The following CADM2 variants were observed in gnomAD, a reference collection of about 807,000 sequenced individuals.
CADM2 encodes the protein cell adhesion molecule 2.
In CADM2, 12 loss-of-function variants were observed where a neutral mutation model predicts 49.8. That is an observed-to-expected ratio of 0.24 (90% CI 0.15 to 0.39). The LOEUF is 0.39. Among genes scored for constraint, CADM2 ranks in the 10% least tolerant of loss-of-function variants. The probability of loss-of-function intolerance (pLI) is 1.00; values close to 1 mark genes in which losing one functional copy is unlikely to be tolerated. For synonymous variants in CADM2, 214 were observed against 175.4 expected, an observed-to-expected ratio of 1.22 and a Z score of -1.74; for missense variants, 378 against 492.3, an observed-to-expected ratio of 0.77 and a Z score of 2.20.
At chr3:85,311,491 C>T (rs1309384241) in intron 1 of CADM2, among the ~76,000 whole-genome samples, 3 of 151,762 alleles carry the variant, frequency 2.0e-5, no homozygotes, top group East Asian at 1.9e-4. Flanking sequence ...TTCTCTTGCC[C>T]CAGCCTCCCG....
At chr3:85,952,160 T>C (rs1280715720) in intron 7 of CADM2, among the ~76,000 whole-genome samples, 1 of 150,920 alleles carries the variant, frequency 6.6e-6, no homozygotes, top group African/African-American at 2.4e-5. Context: ...AAAATAATTA[T>C]TGGACAGGAG....
At chr3:85,287,718 G>A (rs1292969515) in intron 1 of CADM2, among the ~76,000 whole-genome samples, 2 of 152,050 alleles carry the variant, frequency 1.3e-5, no homozygotes, top group African/African-American at 4.8e-5. Flanking sequence ...TTTACATTAT[G>A]ACTGCAGGAA....
At chr3:85,371,677 G>GTATATATA (rs1167720851) in intron 1 of CADM2, among the ~76,000 whole-genome samples, 12 of 95,140 alleles carry the variant, frequency 1.3e-4, no homozygotes, top group African/African-American at 4.4e-4. Flanking sequence ...GTGTGTGTGT[G>GTATATATA]TATATATATA....
chr3:85,459,045 C>T (rs1218927785), intron 1 of CADM2, among the ~76,000 whole-genome samples: 1 of 152,052 alleles, frequency 6.6e-6, no homozygotes, highest in Non-Finnish European at 1.5e-5. Context: ...TTATTGTAGA[C>T]CAAATAATTT....
At chr3:85,460,733 G>GGGGTGT (rs1553726077) in intron 1 of CADM2, among the ~76,000 whole-genome samples, 9 of 149,068 alleles carry the variant, frequency 6.0e-5, no homozygotes, top group Middle Eastern at 3.2e-3. Flanking sequence ...TGGGAGATGT[G>GGGGTGT]GTGTGTGTGT....
chr3:85,715,746 A>G (rs2067267841), intron 1 of CADM2, among the ~76,000 whole-genome samples: 1 of 152,194 alleles, frequency 6.6e-6, no homozygotes, highest in South Asian at 2.1e-4. Context: ...ATGAGTGAGA[A>G]CATGAGGCCT....
chr3:86,055,481 G>T (rs11127916), intron 8 of CADM2, among the ~76,000 whole-genome samples: 111,237 of 121,102 alleles, frequency 0.92, 50,699 homozygotes, highest in Middle Eastern at 0.97. Context: ...TTTTTTTTTG[G>T]TTTTAGAGGG....
At chr3:85,104,719 AT>A (rs1370851489) in intron 1 of CADM2, among the ~76,000 whole-genome samples, 1 of 152,090 alleles carries the variant, frequency 6.6e-6, no homozygotes. Flanking sequence ...ATGCTCTTCC[AT>A]TTGTTTGTAT....
intron 1 of CADM2, among the ~76,000 whole-genome samples, chr3:85,633,407 A>C (rs921070660): frequency 6.6e-6 from 1 of 152,030 alleles, no homozygotes; most frequent in Non-Finnish European, 1.5e-5. Flanking sequence ...TTTTGAGAAG[A>C]AAAAAAGATG....
chr3:85,980,870 T>C (rs112435180), intron 8 of CADM2, among the ~76,000 whole-genome samples: 19 of 151,610 alleles, frequency 1.3e-4, no homozygotes, highest in African/African-American at 4.6e-4. Context: ...AAAAGATCCA[T>C]TTGTAACACA....
intron 1 of CADM2, among the ~76,000 whole-genome samples, chr3:85,365,199 C>CTTGTTTT (rs2032672171): frequency 9.5e-6 from 1 of 104,716 alleles, no homozygotes; most frequent in Non-Finnish European, 1.8e-5. Context: ...TTTTTTTTTA[C>CTTGTTTT]TTTTTTTTTT....
At chr3:85,303,195 G>T (rs1049358213) in intron 1 of CADM2, among the ~76,000 whole-genome samples, 10 of 151,906 alleles carry the variant, frequency 6.6e-5, no homozygotes, top group Non-Finnish European at 8.8e-5. Context: ...CTCAGATTTG[G>T]AAGTGCACAA....
intron 8 of CADM2, chr3:86,013,725 T>C (rs1174867897): frequency 2.2e-5 from 35 of 1,596,020 alleles, no homozygotes; most frequent in Non-Finnish European, 3.0e-5. Context: ...ATTTATAGGT[T>C]TTCTGCCTTA....
chr3:85,935,269 G>A (rs1016964695), intron 6 of CADM2, among the ~76,000 whole-genome samples: 8 of 152,086 alleles, frequency 5.3e-5, no homozygotes, highest in African/African-American at 1.9e-4. Context: ...GCCCAGTGCT[G>A]CATCATTGCA....
chr3:85,760,018 T>C (rs1391657861), intron 2 of CADM2, among the ~76,000 whole-genome samples: 2 of 152,138 alleles, frequency 1.3e-5, no homozygotes, highest in African/African-American at 4.8e-5. Flanking sequence ...GTACTTCTTT[T>C]CTTAATGTCT....
chr3:85,648,920 T>C (rs2064966503), intron 1 of CADM2, among the ~76,000 whole-genome samples: 1 of 152,016 alleles, frequency 6.6e-6, no homozygotes, highest in Non-Finnish European at 1.5e-5. Flanking sequence ...TTTTTTTTCC[T>C]CCCACAGTGG....
intron 6 of CADM2, among the ~76,000 whole-genome samples, chr3:85,930,832 T>C (rs1446822599): frequency 1.3e-5 from 2 of 151,504 alleles, no homozygotes; most frequent in Non-Finnish European, 2.9e-5. Flanking sequence ...AAATTAAATA[T>C]GAACTAAGAT....
At position 85,788,028 on chromosome 3, in the gene CADM2, T is replaced by C. The variant is rs542011006; in HGVS notation, c.89-14019T>C. Among the ~76,000 whole-genome samples the C allele has an allele frequency of 1.6e-3, 251 of 152,268 alleles. 4 individuals carry two copies. Among genetic ancestry groups the C allele is most frequent in the Non-Finnish European group, 3.1e-3 (208 of 67,994 alleles). Reference sequence around the variant, plus strand: ...CAGGCTATTTTTAAATGGCTGACTGTTTCTCGCCATTTAACTAAGTCTTTA... The same window carrying C: ...CAGGCTATTTTTAAATGGCTGACTGCTTCTCGCCATTTAACTAAGTCTTTA... On this transcript the variant is annotated intron_variant, in intron 2 of 9. Coordinates refer to ENST00000383699, the MANE Select transcript of CADM2 (RefSeq NM_001167675.2).
intron 1 of CADM2, among the ~76,000 whole-genome samples, chr3:85,015,099 G>A (rs1206988752): frequency 3.3e-5 from 5 of 151,640 alleles, no homozygotes; most frequent in African/African-American, 4.8e-5. Context: ...ATACATACAC[G>A]TATACATATA....
Sources: allele counts gnomAD v4.1 joint callset (sites outside exome capture counted in the v4.1 genomes callset), GRCh38; gene constraint gnomAD v4.1.1; transcripts MANE v1.5; gene names NCBI Gene and HGNC (gene_info 2026-07-23, HGNC 2026-07-21).